NEO1: variants seen among roughly 807,000 people sequenced by gnomAD.
NEO1 encodes neogenin.
NEO1 carries 63 observed loss-of-function variants against 159.7 expected under a neutral mutation model. The observed-to-expected ratio is 0.39, with a 90% CI of 0.32 to 0.49. The LOEUF (loss-of-function observed/expected upper bound fraction) is 0.49, where lower values mean the gene tolerates loss of function less well. Among genes scored for constraint, NEO1 ranks in the 20% least tolerant of loss-of-function variants. The probability of loss-of-function intolerance (pLI) is 0.85; values close to 1 mark genes in which losing one functional copy is unlikely to be tolerated. For synonymous variants in NEO1, 633 were observed against 662.0 expected (o/e 0.96, Z 0.67); for missense variants, 1,615 against 1,831.0 (o/e 0.88, Z 2.15).
chr15:73,300,747 G>GTCATACTTTGCACACAGCTGAAGTACTT (rs2042582610), intron 27 of NEO1, among the ~76,000 whole-genome samples: 1 of 152,160 alleles, frequency 6.6e-6, no homozygotes, highest in African/African-American at 2.4e-5. Flanking sequence ...AAAGACAGCT[G>GTCATACTTTGCACACAGCTGAAGTACTT]TCATACTTTG....
In NEO1 at chr15:73,249,090, G is replaced by A. The variant is rs1225664955; in HGVS notation, c.1637G>A (p.Arg546His). 8.1e-6 allele frequency: 13 copies of A among 1,613,724 alleles called. No individual in the cohort carries two copies. Among genetic ancestry groups the A allele is most frequent in the Non-Finnish European group, 1.1e-5 (13 of 1,179,932 alleles). Residue 546 changes from arginine to histidine, a missense_variant, in exon 10 of 29, where the codon CGT becomes CAT. Transcript: ENST00000261908. ...VQLPGPAPNL[R>H]AYAASPTSIT... is the part of the protein sequence containing the mutation. The stretch of plus-strand genomic sequence containing the variant: ...CTCCCTGGCCCAGCACCTAACCTTC[G>A]TGCATATGCAGCTTCGCCTACCTCC...
intron 1 of NEO1, among the ~76,000 whole-genome samples, chr15:73,103,908 G>A (rs577720357): frequency 3.9e-5 from 6 of 152,152 alleles, no homozygotes; most frequent in Non-Finnish European, 7.4e-5. Context: ...AGGCTGGAAC[G>A]CAGTGGCATG....
chr15:73,179,457 T>C (rs1036413217), intron 7 of NEO1, among the ~76,000 whole-genome samples: 16 of 152,144 alleles, frequency 1.1e-4, no homozygotes, highest in African/African-American at 3.9e-4. Flanking sequence ...TACAGAGAGG[T>C]ATCTCACTGG....
intron 8 of NEO1, among the ~76,000 whole-genome samples, chr15:73,241,259 A>G (rs1333000191): frequency 6.6e-6 from 1 of 152,226 alleles, no homozygotes; most frequent in Non-Finnish European, 1.5e-5. Flanking sequence ...TATTCATAGC[A>G]CTTTAAAGTT....
At chr15:73,178,486 A>G (rs1567399542) in intron 7 of NEO1, 59 bp downstream of exon 7, 19 of 1,590,980 alleles carry the variant, frequency 1.2e-5, no homozygotes, top group Non-Finnish European at 1.6e-5. Context: ...ACAAGCACCC[A>G]TCCGTCCAAA....
At chr15:73,200,570 G>A (rs968410449) in intron 7 of NEO1, among the ~76,000 whole-genome samples, 4 of 151,770 alleles carry the variant, frequency 2.6e-5, no homozygotes, top group East Asian at 1.9e-4. Context: ...ATGGGAAAGG[G>A]AGTCTCTAGA....
At chr15:73,293,271 C>A in intron 25 of NEO1, 119 bp from the exon 26 acceptor site, 1 of 1,253,882 alleles carries the variant, frequency 8.0e-7, no homozygotes, top group Non-Finnish European at 1.1e-6. Flanking sequence ...CACCAAAAAA[C>A]CAAGGGAGTG....
At chr15:73,087,637 A>T (rs2069438819) in intron 1 of NEO1, among the ~76,000 whole-genome samples, 1 of 152,128 alleles carries the variant, frequency 6.6e-6, no homozygotes, top group Non-Finnish European at 1.5e-5. Context: ...CTACAAGATA[A>T]ATTTACTTTC....
chr15:73,253,579 T>A, intron 12 of NEO1, 130 bp downstream of exon 12: 1 of 544,792 alleles, frequency 1.8e-6, no homozygotes, highest in Non-Finnish European at 3.1e-6. Flanking sequence ...AATCTGCATT[T>A]AAAAATACCA....
intron 7 of NEO1, among the ~76,000 whole-genome samples, chr15:73,201,210 G>C (rs1027310359): frequency 1.3e-5 from 2 of 149,788 alleles, no homozygotes; most frequent in African/African-American, 4.9e-5. Context: ...CCCTTCTTCT[G>C]CTTGCTTTAG....
At chr15:73,297,718 C>G (rs1003492009) in intron 26 of NEO1, among the ~76,000 whole-genome samples, 3 of 152,214 alleles carry the variant, frequency 2.0e-5, no homozygotes, top group Non-Finnish European at 2.9e-5. Context: ...TAATCTACCC[C>G]CATTTCCTTC....
intron 1 of NEO1, among the ~76,000 whole-genome samples, chr15:73,067,806 CG>C (rs2068299713): frequency 6.6e-6 from 1 of 151,844 alleles, no homozygotes; most frequent in African/African-American, 2.4e-5. Flanking sequence ...TTAGTAGAGA[CG>C]GGGTTTCACT....
chr15:73,173,068 T>G (rs1487788224), intron 5 of NEO1, among the ~76,000 whole-genome samples: 1 of 152,220 alleles, frequency 6.6e-6, no homozygotes, highest in Admixed American at 6.5e-5. Context: ...CCCATAAATT[T>G]TATTTAACAC....
chr15:73,209,020 G>T (rs768215360), intron 7 of NEO1, among the ~76,000 whole-genome samples: 55 of 152,342 alleles, frequency 3.6e-4, no homozygotes, highest in Admixed American at 1.6e-3. Context: ...TTATAAACTA[G>T]ATTGTGACAG....
intron 7 of NEO1, among the ~76,000 whole-genome samples, chr15:73,212,440 ATC>A (rs2037634123): frequency 6.6e-6 from 1 of 152,218 alleles, no homozygotes; most frequent in Non-Finnish European, 1.5e-5. Flanking sequence ...AATCCAAAAT[ATC>A]TCTCAGTTTT....
intron 22 of NEO1, among the ~76,000 whole-genome samples, chr15:73,278,975 C>T (rs1895842): frequency 0.095 from 14,386 of 152,160 alleles, 907 homozygotes; most frequent in African/African-American, 0.17. Flanking sequence ...CTAGGAATGA[C>T]CCTTACTGTC....
intron 5 of NEO1, among the ~76,000 whole-genome samples, chr15:73,172,058 C>A (rs893391561): frequency 6.6e-6 from 1 of 152,048 alleles, no homozygotes; most frequent in Non-Finnish European, 1.5e-5. Flanking sequence ...GTGGAGTTTG[C>A]TTTCAAAATA....
At chr15:73,067,438 G>C (rs2068275495) in intron 1 of NEO1, among the ~76,000 whole-genome samples, 2 of 150,300 alleles carry the variant, frequency 1.3e-5, no homozygotes, top group South Asian at 2.1e-4. Context: ...TGGTTGACAT[G>C]GATGCTTTTC....
At chr15:73,266,756 T>C (rs572688792) in intron 16 of NEO1, among the ~76,000 whole-genome samples, 1 of 152,308 alleles carries the variant, frequency 6.6e-6, no homozygotes, top group South Asian at 2.1e-4. Context: ...ACAAAAAATG[T>C]AGGTTACTGA....
Sources: allele counts gnomAD v4.1 joint callset (sites outside exome capture counted in the v4.1 genomes callset), GRCh38; gene constraint gnomAD v4.1.1; transcripts MANE v1.5; gene names NCBI Gene and HGNC (gene_info 2026-07-23, HGNC 2026-07-21).